SP140L: variants seen among roughly 807,000 people sequenced by gnomAD.
SP140L encodes the protein SP140 like nuclear body protein, also known as nuclear body protein SP140-like protein.
Under a neutral mutation model 84.3 loss-of-function variants are expected in SP140L, and 64 were observed. The ratio of observed to expected loss-of-function variants is 0.76; its 90% confidence interval spans 0.62 to 0.94. The LOEUF (loss-of-function observed/expected upper bound fraction) is 0.94. Among genes scored for constraint, SP140L ranks in the 40% least tolerant of loss-of-function variants. The pLI is 0.00. For synonymous variants in SP140L, 242 were observed against 236.9 expected, an observed-to-expected ratio of 1.02 and a Z score of -0.20; for missense variants, 628 against 692.5, an observed-to-expected ratio of 0.91 and a Z score of 1.05.
chr2:230,403,192 A>T lies in SP140L; in HGVS notation c.*296A>T. On this transcript the variant is annotated 3_prime_UTR_variant, in exon 19 of 19. Coordinates refer to ENST00000415673, the MANE Select transcript of SP140L (RefSeq NM_138402.6). Reference sequence around the variant, plus strand: ...CTGCTCCAGACAACATTTATTACTCACAAGACCTTTTTCCTCCGTTTTTTT... The same window carrying T: ...CTGCTCCAGACAACATTTATTACTCTCAAGACCTTTTTCCTCCGTTTTTTT... 2 of 259,612 alleles carry T rather than the reference A, an allele frequency of 7.7e-6. No individual in the cohort carries two copies. Among genetic ancestry groups the T allele is most frequent in the Non-Finnish European group, 1.4e-5 (2 of 139,844 alleles). The allele number at this position is 259,612 out of a possible 1,614,324, so 16.1% of individuals were successfully genotyped here.
chr2:230,361,413 C>T (rs918843295), intron 4 of SP140L, among the ~76,000 whole-genome samples: 3 of 152,148 alleles, frequency 2.0e-5, no homozygotes, highest in Non-Finnish European at 4.4e-5. Context: ...ATCCTTAAAT[C>T]TTGAGTATCC....
At chr2:230,336,942 G>T (rs895172943) in intron 2 of SP140L, among the ~76,000 whole-genome samples, 2 of 152,012 alleles carry the variant, frequency 1.3e-5, no homozygotes, top group South Asian at 2.1e-4. Context: ...CTTTTATTTT[G>T]CATTTGCCTG....
intron 7 of SP140L, among the ~76,000 whole-genome samples, chr2:230,379,932 A>T (rs1247268394): frequency 6.6e-6 from 1 of 152,212 alleles, no homozygotes; most frequent in Non-Finnish European, 1.5e-5. Flanking sequence ...GGAGAATTGT[A>T]TACTAAACAT....
intron 5 of SP140L, among the ~76,000 whole-genome samples, chr2:230,369,566 T>G (rs2060989395): frequency 6.6e-6 from 1 of 152,170 alleles, no homozygotes; most frequent in Admixed American, 6.5e-5. Flanking sequence ...CTACAGACTT[T>G]CAGAAACAGG....
intron 9 of SP140L, among the ~76,000 whole-genome samples, chr2:230,385,869 C>T (rs752903423): frequency 3.3e-5 from 5 of 152,180 alleles, no homozygotes; most frequent in Admixed American, 1.3e-4. Flanking sequence ...TTCTCTTATT[C>T]TGTCTTGGCC....
rs1241394734 is a variant in SP140L, at chr2:230,403,645, T to G, written c.*749T>G. 6.6e-6 allele frequency: 1 copy of G among 152,226 alleles called. No homozygotes were observed. Among genetic ancestry groups the G allele is most frequent in the African/African-American group, 2.4e-5 (1 of 41,444 alleles). The allele number at this position is 152,226 out of a possible 1,614,324, so 9.4% of individuals were successfully genotyped here. A position where few individuals can be genotyped will look rare whatever the true frequency, so the allele number is the denominator to read the frequency against. ...TCGATAGCTCACGATGGTGTATGAG[T>G]GTCAATCATCTGACCCTTCTTGGAG... On this transcript the variant is annotated 3_prime_UTR_variant, in exon 19 of 19. Transcript: ENST00000415673.
At chr2:230,329,895 G>C (rs2149669272) in intron 2 of SP140L, among the ~76,000 whole-genome samples, 1 of 152,200 alleles carries the variant, frequency 6.6e-6, no homozygotes, top group South Asian at 2.1e-4. Context: ...ATCTTAATTT[G>C]TTTCTATAGC....
chr2:230,342,337 C>T (rs925124423), intron 2 of SP140L, among the ~76,000 whole-genome samples: 4 of 152,244 alleles, frequency 2.6e-5, no homozygotes, highest in Admixed American at 6.5e-5. Context: ...GGCAATGCCT[C>T]GCCCTGCTTC....
rs201794764 is a variant in SP140L, at chr2:230,383,562, C to G, written c.690C>G (p.Asn230Lys). Reference sequence around the variant, plus strand: ...GAATGGGAACGAGAACGCAGAAAAACAACCAACAAAATGGTAAGCAGGCAA... The same window carrying G: ...GAATGGGAACGAGAACGCAGAAAAAGAACCAACAAAATGGTAAGCAGGCAA... ...WSRMGTRTQKNNQQNDNSKAD... is the reference protein window; with the variant it reads ...WSRMGTRTQKKNQQNDNSKAD... The change falls in exon 8 of 19, where the codon AAC (asparagine) becomes AAG (lysine). Residue 230 changes from asparagine to lysine, a missense_variant. Asn to Lys is a moderately conservative substitution (Grantham distance 94). Around this residue, in one of 4 missense-constraint regions of SP140L, gnomAD observed 525 missense variants for 518.4 expected, o/e 1.01. Transcript: ENST00000415673. 11 of 1,604,344 alleles carry G rather than the reference C, an allele frequency of 6.9e-6. No homozygotes were observed. In the East Asian group the frequency reaches 2.2e-4, roughly 33 times the overall value.
intron 5 of SP140L, among the ~76,000 whole-genome samples, chr2:230,370,010 G>A (rs2149762107): frequency 6.6e-6 from 1 of 152,150 alleles, no homozygotes; most frequent in East Asian, 1.9e-4. Flanking sequence ...CTGACTTAGT[G>A]ATTTGCCCAC....
rs770411215 is a variant in SP140L at position 230,371,579 on chromosome 2, A to G, written c.584-19A>G. 5.7e-5 allele frequency: 90 copies of G among 1,583,050 alleles called. No homozygotes were observed. The East Asian group carries it at 2.0e-3, about 35-fold the overall frequency. On this transcript the variant is annotated intron_variant, in intron 6 of 18. Coordinates refer to ENST00000415673, the MANE Select transcript of SP140L (RefSeq NM_138402.6). ...ATTTATTAATTTCTGTTTCCTCACT[A>G]CCACTTGTTATTTTCTAGATACTGT...
chr2:230,331,383 T>A (rs2059721136), intron 2 of SP140L, among the ~76,000 whole-genome samples: 1 of 152,328 alleles, frequency 6.6e-6, no homozygotes, highest in South Asian at 2.1e-4. Flanking sequence ...TGGAAGCATC[T>A]GCTGTGGATA....
intron 2 of SP140L, 129 bp downstream of exon 2, chr2:230,328,960 T>A: frequency 7.3e-7 from 1 of 1,369,180 alleles, no homozygotes; most frequent in Non-Finnish European, 9.6e-7. Context: ...TTTGCCAATG[T>A]GATTCAGTTG....
intron 7 of SP140L, among the ~76,000 whole-genome samples, chr2:230,375,598 G>A (rs1473390830): frequency 6.6e-6 from 1 of 152,142 alleles, no homozygotes; most frequent in Non-Finnish European, 1.5e-5. Context: ...TAATAGGTGT[G>A]AGGTGATATT....
chr2:230,365,530 T>C (rs1450471438), intron 5 of SP140L, among the ~76,000 whole-genome samples: 1 of 152,094 alleles, frequency 6.6e-6, no homozygotes, highest in Non-Finnish European at 1.5e-5. Flanking sequence ...TCTTTTCTTT[T>C]TTTTTAGTCT....
chr2:230,388,036 G>T lies in SP140L; in HGVS notation c.785-523G>T, dbSNP rs919535132. Among the ~76,000 whole-genome samples the T allele has an allele frequency of 1.7e-4, 26 of 152,164 alleles. 1 individual carries two copies. Among genetic ancestry groups the T allele is most frequent in the Non-Finnish European group, 3.5e-4 (24 of 68,038 alleles). On this transcript the variant is annotated intron_variant, in intron 9 of 18. Coordinates refer to ENST00000415673, the MANE Select transcript of SP140L (RefSeq NM_138402.6). ...CTAATAGGGTTTCCCTTAACTCACA[G>T]AACTGCCATTTATTTGTGTCTCTGC...
intron 9 of SP140L, among the ~76,000 whole-genome samples, chr2:230,387,725 A>G (rs2061643838): frequency 6.6e-6 from 1 of 152,196 alleles, no homozygotes; most frequent in African/African-American, 2.4e-5. Context: ...AAACATTGAG[A>G]TGCCCACTCA....
At chr2:230,358,177 A>G (rs2060607501) in intron 3 of SP140L, among the ~76,000 whole-genome samples, 1 of 152,246 alleles carries the variant, frequency 6.6e-6, no homozygotes. Flanking sequence ...GCTGTTCTCC[A>G]TAAATGTACA....
Position 230,328,783 on chromosome 2 carries a change from T to C in SP140L, c.59T>C (p.Val20Ala). ...GGGCTGAACGGAGGTGTTTCACAAG[T>C]AGCAAATGAGATGAACCATCTTCCT... ...TRGLNGGVSQ[V>A]ANEMNHLPAH... Residue 20 changes from valine to alanine, a missense_variant, in exon 2 of 19, where the codon GTA (valine) becomes GCA (alanine). Physicochemically the swap from Val to Ala is moderately conservative, Grantham distance 64. This residue lies in a region of SP140L where 525 missense variants were observed against 518.4 expected (regional missense o/e 1.01). Transcript: ENST00000415673. 1 of 1,612,944 alleles carries C rather than the reference T, an allele frequency of 6.2e-7. No homozygotes were observed.
Sources: allele counts gnomAD v4.1 joint callset (sites outside exome capture counted in the v4.1 genomes callset), GRCh38; gene constraint gnomAD v4.1.1; regional missense constraint gnomAD v4.1.1; transcripts MANE v1.5; gene names NCBI Gene and HGNC (gene_info 2026-07-23, HGNC 2026-07-21).